The following ATM variants were observed in gnomAD, a reference collection of about 807,000 sequenced individuals.
The protein encoded by ATM is serine-protein kinase ATM.
In ATM, 308 loss-of-function variants were observed where a neutral mutation model predicts 387.0. That is an observed-to-expected ratio of 0.80 (90% CI 0.73 to 0.87). ATM has a LOEUF of 0.87. Ranked by LOEUF, ATM falls within the 40% of genes least tolerant of loss-of-function variation. The pLI, the probability that ATM is intolerant of heterozygous loss-of-function variation, is 0.00. For missense variants in ATM, 3,312 were observed against 3,560.9 expected (o/e 0.93, Z 1.78); for synonymous variants, 1,156 against 1,187.3 (o/e 0.97, Z 0.54).
chr11:108,362,599 C>T (rs1252406729), intron 61 of ATM, among the ~76,000 whole-genome samples: 1 of 149,620 alleles, frequency 6.7e-6, no homozygotes, highest in Non-Finnish European at 1.5e-5. Context: ...CACATATACA[C>T]CATGGAATAC....
At chr11:108,343,713 G>A (rs1428179613) in intron 57 of ATM, among the ~76,000 whole-genome samples, 1 of 152,166 alleles carries the variant, frequency 6.6e-6, no homozygotes, top group Non-Finnish European at 1.5e-5. Flanking sequence ...TTGAGAGGCT[G>A]AGTCTGGGGG....
At chr11:108,255,371 A>G (rs2080406940) in intron 13 of ATM, among the ~76,000 whole-genome samples, 1 of 148,770 alleles carries the variant, frequency 6.7e-6, no homozygotes, top group Non-Finnish European at 1.5e-5. Context: ...AAATCTGAAC[A>G]TTTTGTGTGT....
intron 61 of ATM, among the ~76,000 whole-genome samples, chr11:108,359,797 G>C (rs1056457571): frequency 2.6e-5 from 4 of 152,056 alleles, no homozygotes; most frequent in African/African-American, 9.7e-5. Context: ...ATTCAAAGCA[G>C]TGTGTAGAGG....
chr11:108,231,154 T>C (rs1423496540), intron 4 of ATM, among the ~76,000 whole-genome samples: 1 of 152,204 alleles, frequency 6.6e-6, no homozygotes, highest in Non-Finnish European at 1.5e-5. Flanking sequence ...CTTGCTATGA[T>C]TTGAGGAAAA....
chr11:108,245,055 T>C, intron 7 of ATM, 29 bp downstream of exon 7: 4 of 1,550,934 alleles, frequency 2.6e-6, no homozygotes, highest in Non-Finnish European at 3.5e-6. Flanking sequence ...CTGTTTTGAA[T>C]TTGCTTCTTC....
At position 108,287,493 on chromosome 11, in the gene ATM, TAC is replaced by T. The variant is rs1389264761; in HGVS notation, c.3994-105_3994-104del. ...GGACTTTGAGTCATCTATTTTCTTTTACAGTCATCGAATACTTTTGGAAATAA... is the reference window on the plus strand; with the variant it reads ...GGACTTTGAGTCATCTATTTTCTTTTAGTCATCGAATACTTTTGGAAATAA... On this transcript the variant is annotated intron_variant, in intron 26 of 62. Coordinates refer to ENST00000675843, the MANE Select transcript of ATM (RefSeq NM_000051.4). 4.4e-6 allele frequency: 3 copies of T among 686,216 alleles called. No individual in the cohort carries two copies. The African/African-American group carries it at 5.4e-5, about 12-fold the overall frequency. The allele number at this position is 686,216 out of a possible 1,614,324, so 42.5% of individuals were successfully genotyped here.
At chr11:108,349,174 G>T (rs889765824) in intron 59 of ATM, among the ~76,000 whole-genome samples, 16 of 152,178 alleles carry the variant, frequency 1.1e-4, no homozygotes, top group African/African-American at 3.9e-4. Context: ...GGCAAGAGGG[G>T]AAAATCTTTT....
rs2136120645 is a variant in ATM, at chr11:108,315,885, A to G, written c.6069A>G (p.Gly2023=). ...CAGATAGTTTGTATGGCTGTGGTGG[A>G]GGGAAGATGTTACAACCCATTACTA... is the stretch of plus-strand genomic sequence containing the variant. ...GEPDSLYGCG[G]GKMLQPITRL... Residue 2023 remains glycine, a synonymous_variant, in exon 41 of 63, where the codon GGA becomes GGG. Coordinates refer to ENST00000675843, the MANE Select transcript of ATM (RefSeq NM_000051.4). 1 of 1,612,816 alleles carries G rather than the reference A, an allele frequency of 6.2e-7. No homozygotes were observed. Among genetic ancestry groups the G allele is most frequent in the Non-Finnish European group, 8.5e-7 (1 of 1,178,830 alleles).
chr11:108,293,577 T>C, intron 31 of ATM, 100 bp downstream of exon 31: 2 of 1,086,016 alleles, frequency 1.8e-6, no homozygotes, highest in South Asian at 1.3e-5. Context: ...AATCTTTTCT[T>C]TAATTGTGAT....
intron 7 of ATM, among the ~76,000 whole-genome samples, 197 bp downstream of exon 7, chr11:108,245,223 C>T (rs1347932965): frequency 5.3e-5 from 8 of 152,014 alleles, no homozygotes; most frequent in African/African-American, 1.9e-4. Flanking sequence ...TTATGCCTTT[C>T]TATTTGTTCA....
chr11:108,264,125 A>G (rs914169357), intron 16 of ATM, among the ~76,000 whole-genome samples: 6 of 151,950 alleles, frequency 3.9e-5, no homozygotes, highest in Non-Finnish European at 7.3e-5. Context: ...TCCCTAACTC[A>G]TTTTATGAGG....
rs876660865 is a variant in ATM, at chr11:108,284,328, TA to T, written c.3850del (p.Thr1284GlnfsTer9). On this transcript the variant is annotated frameshift_variant, in exon 26 of 63. Transcript: ENST00000675843. LOFTEE classifies it high-confidence loss of function. ...ATTCAAGAGGACTGGAAAAGTCTTC[TA>T]ACAGACTGCTTTCCAAAGATTCTTG... ...NQIQEDWKSLLTDCFPKILVN... is the reference protein window; with the variant it reads ...NQIQEDWKSLXTDCFPKILVN... 5.6e-6 allele frequency: 9 copies of T among 1,614,078 alleles called. No homozygotes were observed. The highest frequency in any genetic ancestry group is 6.8e-6 in the Non-Finnish European group (8 of 1,179,948).
intron 37 of ATM, among the ~76,000 whole-genome samples, chr11:108,305,287 AAGC>A: frequency 6.6e-6 from 1 of 152,372 alleles, no homozygotes; most frequent in South Asian, 2.1e-4. Flanking sequence ...TCAATTTAAA[AAGC>A]AGCCTTTGGC....
chr11:108,232,896 C>T (rs1418691637), intron 4 of ATM, among the ~76,000 whole-genome samples: 5 of 149,234 alleles, frequency 3.4e-5, no homozygotes, highest in African/African-American at 1.2e-4. Flanking sequence ...GAGTTTTGCT[C>T]TTGTTGCTCA....
rs786202195 is a variant in ATM, at chr11:108,251,012, T to G, written c.1547T>G (p.Leu516Ter). 6.2e-7 allele frequency: 1 copy of G among 1,614,064 alleles called. No individual in the cohort carries two copies. The highest frequency in any genetic ancestry group is 1.3e-5 in the African/African-American group (1 of 74,928). Reference protein sequence around the residue: ...GLLGAIIQGSLVEVDREFWKL... With the variant: ...GLLGAIIQGS ...CTTGGAGCCATAATTCAGGGTAGTT[T>G]AGTTGAGGTTGACAGAGAATTCTGG... The change falls in exon 10 of 63, where the codon TTA becomes TGA. Residue 516 changes from leucine (L) to a stop codon, truncating the protein, a stop_gained. Transcript: ENST00000675843. LOFTEE classifies it high-confidence loss of function.
intron 32 of ATM, 49 bp from the exon 33 acceptor site, chr11:108,297,238 G>C (rs1435972361): frequency 3.4e-6 from 5 of 1,454,180 alleles, no homozygotes; most frequent in African/African-American, 1.4e-5. Flanking sequence ...ATAAACAAAA[G>C]TGTTGTCTTC....
intron 9 of ATM, among the ~76,000 whole-genome samples, chr11:108,249,706 T>A (rs981692866): frequency 2.0e-5 from 3 of 152,206 alleles, no homozygotes; most frequent in African/African-American, 7.2e-5. Context: ...TTAAGCAACT[T>A]CTGTAGGGAC....
Position 108,275,639 on chromosome 11 carries a change from A to G in ATM, c.3284+2787A>G, listed in dbSNP as rs190820134. Among the ~76,000 whole-genome samples the G allele has an allele frequency of 4.5e-3, 688 of 152,320 alleles. 5 individuals are homozygous for G. The highest frequency in any genetic ancestry group is 0.016 in the African/African-American group (667 of 41,566). ...GTTATGAAGCTTAGTTTGGCTGGAT[A>G]TGAAATTCTGGGTTGAAAATTATTT... On this transcript the variant is annotated intron_variant, in intron 22 of 62. Transcript: ENST00000675843.
chr11:108,254,088 G>A (rs376376863), intron 13 of ATM, 49 bp downstream of exon 13: 22 of 1,572,196 alleles, frequency 1.4e-5, no homozygotes, highest in Admixed American at 1.7e-5. Flanking sequence ...TTCAACTTTG[G>A]TAAACTGTTA....
Sources: gnomAD v4.1 joint callset for allele counts (sites outside exome capture counted in the v4.1 genomes callset) on GRCh38, gnomAD v4.1.1 for gene constraint, MANE v1.5 for transcripts, NCBI Gene and HGNC (gene_info 2026-07-23, HGNC 2026-07-21) for gene names.